AGAP1: variants seen among roughly 807,000 people sequenced by gnomAD.
AGAP1 encodes the protein arf-GAP with GTPase, ANK repeat and PH domain-containing protein 1.
Under a neutral mutation model 105.3 loss-of-function variants are expected in AGAP1, and 29 were observed. The ratio of observed to expected loss-of-function variants is 0.28; its 90% CI spans 0.21 to 0.38. The LOEUF is 0.38. Among genes scored for constraint, AGAP1 ranks in the 10% least tolerant of loss-of-function variants. The probability of loss-of-function intolerance (pLI) is 1.00; values close to 1 mark genes in which losing one functional copy is unlikely to be tolerated. For missense variants in AGAP1, 998 were observed against 1,165.1 expected (o/e 0.86, Z 2.09); for synonymous variants, 509 against 485.9 (o/e 1.05, Z -0.63).
chr2:235,586,236 A>C lies in AGAP1; in HGVS notation c.163+91387A>C, dbSNP rs547059854. On this transcript the variant is annotated intron_variant, in intron 1 of 17. Transcript: ENST00000304032. This position sits in a 1 kb window ranked among gnomAD's most constrained non-coding sequence, Gnocchi z 4.2. ...TGAGCCCTCAGCCCGCCATACGGGC[A>C]TGTTATCCAGAAGAGAGGAGAGAGA... is the stretch of plus-strand genomic sequence containing the variant. 4.6e-5 allele frequency among the ~76,000 whole-genome samples: 7 copies of C among 152,218 alleles called. No homozygotes were observed. The highest frequency in any genetic ancestry group is 1.0e-4 in the Non-Finnish European group (7 of 68,038).
At chr2:235,991,244 G>T (rs1162109428) in intron 13 of AGAP1, among the ~76,000 whole-genome samples, 1 of 152,118 alleles carries the variant, frequency 6.6e-6, no homozygotes, top group Non-Finnish European at 1.5e-5. Context: ...TTATTTCTCT[G>T]TCCTTTAATT....
At chr2:235,774,215 A>G (rs767606150) in intron 6 of AGAP1, 10 of 398,514 alleles carry the variant, frequency 2.5e-5, no homozygotes, top group Admixed American at 1.0e-4. Flanking sequence ...TGGCACATCT[A>G]TAAACTAAAA....
At chr2:235,869,605 A>C (rs2049343968) in intron 9 of AGAP1, among the ~76,000 whole-genome samples, 1 of 152,130 alleles carries the variant, frequency 6.6e-6, no homozygotes, top group Non-Finnish European at 1.5e-5. Flanking sequence ...CGTCTCAAAA[A>C]TAAAAAATAA....
chr2:236,049,882 G>A (rs1198056688), intron 16 of AGAP1: 1 of 152,320 alleles, frequency 6.6e-6, no homozygotes, highest in Admixed American at 6.5e-5. Flanking sequence ...ATTATAAACT[G>A]TTTTTGAGTA....
At chr2:235,708,192 C>T (rs545011102) in intron 1 of AGAP1, among the ~76,000 whole-genome samples, 2 of 152,310 alleles carry the variant, frequency 1.3e-5, no homozygotes, top group African/African-American at 4.8e-5. Context: ...GAGTAAGTTT[C>T]AGCATTGGAG....
intron 1 of AGAP1, among the ~76,000 whole-genome samples, chr2:235,672,422 A>C (rs1411914201): frequency 6.6e-6 from 1 of 152,262 alleles, no homozygotes; most frequent in Admixed American, 6.5e-5. Context: ...CACTGTTGCC[A>C]CACTTATGTT....
intron 11 of AGAP1, among the ~76,000 whole-genome samples, chr2:235,917,129 C>G (rs1171238567): frequency 6.6e-6 from 1 of 152,166 alleles, no homozygotes; most frequent in East Asian, 1.9e-4. Context: ...ATGCTTAGAC[C>G]TTTGTCAAAG....
intron 12 of AGAP1, among the ~76,000 whole-genome samples, chr2:235,937,425 C>T (rs1012782515): frequency 1.3e-4 from 20 of 152,182 alleles, no homozygotes; most frequent in Non-Finnish European, 8.8e-5. Context: ...CTCCTTAGTT[C>T]CTTCCTATCA....
In AGAP1 at chr2:235,976,550, A is replaced by AT. The variant is rs1449926791; in HGVS notation, c.1645+7934dup. 6.6e-6 allele frequency among the ~76,000 whole-genome samples: 1 copy of AT among 152,126 alleles called. No homozygotes were observed. Among genetic ancestry groups the AT allele is most frequent in the Non-Finnish European group, 1.5e-5 (1 of 68,020 alleles). ...GGTTTTTGTTTGTTTGTTTGTTTTAATTTTTTTAACCACACACAAACTTAA... is the reference window on the plus strand; with the variant it reads ...GGTTTTTGTTTGTTTGTTTGTTTTAATTTTTTTTAACCACACACAAACTTAA... On this transcript the variant is annotated intron_variant, in intron 13 of 17. Transcript: ENST00000304032. This position sits in a 1 kb window ranked among gnomAD's most constrained non-coding sequence, Gnocchi z 4.5.
rs549085431 is a variant in AGAP1 at position 235,864,526 on chromosome 2, C to G, written c.1051-18819C>G. ...GCGTTTCCGCTCCACTGCGCGGCCC[C>G]GGAGCCCCCAAACGCAGGTCAGCAT... On this transcript the variant is annotated intron_variant, in intron 9 of 17. Transcript: ENST00000304032. The surrounding 1 kb of genome is among the most constrained non-coding windows in gnomAD (Gnocchi z 5.0). 1.6e-4 allele frequency among the ~76,000 whole-genome samples: 25 copies of G among 152,280 alleles called. No individual in the cohort carries two copies. The highest frequency in any genetic ancestry group is 2.4e-4 in the Non-Finnish European group (16 of 68,020).
rs1050966514 is a variant in AGAP1, at chr2:236,051,151, T to C, written c.2114+1870T>C. Among the ~76,000 whole-genome samples, 30 of 152,216 alleles carry C rather than the reference T, an allele frequency of 2.0e-4. No individual in the cohort carries two copies. The highest frequency in any genetic ancestry group is 7.2e-4 in the African/African-American group (30 of 41,450). On this transcript the variant is annotated intron_variant, in intron 16 of 17. Coordinates refer to ENST00000304032, the MANE Select transcript of AGAP1 (RefSeq NM_001037131.3). This position sits in a 1 kb window ranked among gnomAD's most constrained non-coding sequence, Gnocchi z 5.9. ...TTCCTCTCCAAGACTGTGGTGTTGGTGATGTGGTTCTGTGCTGTTGCTGAA... is the reference window on the plus strand; with the variant it reads ...TTCCTCTCCAAGACTGTGGTGTTGGCGATGTGGTTCTGTGCTGTTGCTGAA...
intron 16 of AGAP1, among the ~76,000 whole-genome samples, chr2:236,081,452 C>A (rs990206159): frequency 6.6e-6 from 1 of 152,186 alleles, no homozygotes; most frequent in African/African-American, 2.4e-5. Flanking sequence ...TGCAGTGTGT[C>A]CTCCACCCGA....
intron 16 of AGAP1, among the ~76,000 whole-genome samples, chr2:236,070,009 A>G (rs533602277): frequency 6.6e-6 from 1 of 152,370 alleles, no homozygotes; most frequent in South Asian, 2.1e-4. Flanking sequence ...GTGGTGGCTG[A>G]CGCCACCCAA....
intron 1 of AGAP1, among the ~76,000 whole-genome samples, chr2:235,597,076 C>T (rs974307400): frequency 6.6e-6 from 1 of 152,146 alleles, no homozygotes; most frequent in Non-Finnish European, 1.5e-5. Flanking sequence ...CAGCCCCAGC[C>T]GACTCATCAC....
chr2:236,070,824 G>A (rs2058476492), intron 16 of AGAP1, among the ~76,000 whole-genome samples: 1 of 152,174 alleles, frequency 6.6e-6, no homozygotes, highest in Non-Finnish European at 1.5e-5. Context: ...ATGGGAGTGG[G>A]ACTTCTTTTT....
rs1021661622 is a variant in AGAP1 at position 235,724,585 on chromosome 2, G to A, written c.310+6941G>A. On this transcript the variant is annotated intron_variant, in intron 3 of 17. Coordinates refer to ENST00000304032, the MANE Select transcript of AGAP1 (RefSeq NM_001037131.3). The surrounding 1 kb of genome is among the most constrained non-coding windows in gnomAD (Gnocchi z 4.9). ...AGATGGAAAAGGTACCTGCGGTGGT[G>A]GGGGGAGGGGGAGTTCCCTATGTAA... Among the ~76,000 whole-genome samples the A allele has an allele frequency of 2.0e-5, 3 of 152,256 alleles. No individual in the cohort carries two copies. Among genetic ancestry groups the A allele is most frequent in the African/African-American group, 7.2e-5 (3 of 41,546 alleles).
At position 236,105,409 on chromosome 2, in the gene AGAP1, TCA is replaced by T. The variant is rs2059458474; in HGVS notation, c.2115-14779_2115-14778del. ...CAAAATACACAACAGAAAGTATTCC[TCA>T]CACTTCTGAGGAATGGGAAGTCCAA... On this transcript the variant is annotated intron_variant, in intron 16 of 17. Coordinates refer to ENST00000304032, the MANE Select transcript of AGAP1 (RefSeq NM_001037131.3). The surrounding 1 kb of genome is among the most constrained non-coding windows in gnomAD (Gnocchi z 4.2). 6.6e-6 allele frequency among the ~76,000 whole-genome samples: 1 copy of T among 152,038 alleles called. No individual in the cohort carries two copies. The highest frequency in any genetic ancestry group is 2.1e-4 in the South Asian group (1 of 4,818).
intron 9 of AGAP1, among the ~76,000 whole-genome samples, chr2:235,850,170 G>A (rs76299615): frequency 2.6e-3 from 392 of 152,316 alleles, no homozygotes; most frequent in African/African-American, 9.0e-3. Flanking sequence ...ACCGGACGAC[G>A]TTAGCAAACA....
chr2:235,695,157 GT>G (rs1393923506), intron 1 of AGAP1, among the ~76,000 whole-genome samples: 2 of 152,204 alleles, frequency 1.3e-5, no homozygotes, highest in Non-Finnish European at 2.9e-5. Flanking sequence ...GCTTGCCAGT[GT>G]TTTAAGCATC....
Sources: gnomAD v4.1 joint callset for allele counts (sites outside exome capture counted in the v4.1 genomes callset) on GRCh38, gnomAD v4.1.1 for gene constraint, Gnocchi (gnomAD v3.1) non-coding constraint, MANE v1.5 for transcripts, NCBI Gene and HGNC (gene_info 2026-07-23, HGNC 2026-07-21) for gene names.